The following CTNND2 variants were observed in gnomAD, a reference collection of about 807,000 sequenced individuals.
CTNND2 encodes catenin delta 2, also known as catenin delta-2.
A neutral mutation model predicts 144.4 loss-of-function variants in CTNND2; 22 were observed. The ratio of observed to expected loss-of-function variants is 0.15; its 90% CI spans 0.11 to 0.22. The LOEUF (loss-of-function observed/expected upper bound fraction) is 0.22. CTNND2 is among the 10% of genes least tolerant of loss of function. The pLI is 1.00. For missense variants in CTNND2, 1,353 were observed against 1,618.8 expected (o/e 0.84, Z 2.82); for synonymous variants, 751 against 695.6 (o/e 1.08, Z -1.25).
intron 9 of CTNND2, among the ~76,000 whole-genome samples, chr5:11,265,199 T>C (rs1347886885): frequency 6.6e-6 from 1 of 152,176 alleles, no homozygotes; most frequent in Non-Finnish European, 1.5e-5. Flanking sequence ...GTTAGAAGAT[T>C]CAGGAAATTA....
intron 9 of CTNND2, among the ~76,000 whole-genome samples, chr5:11,307,566 T>C (rs1750375887): frequency 6.6e-6 from 1 of 152,198 alleles, no homozygotes; most frequent in South Asian, 2.1e-4. Flanking sequence ...TGTATCATAT[T>C]ATCTCAGTAT....
chr5:11,250,455 TGCTC>T (rs1266626452), intron 9 of CTNND2, among the ~76,000 whole-genome samples: 6 of 72,936 alleles, frequency 8.2e-5, no homozygotes, highest in East Asian at 4.4e-4. Context: ...ATTTAAAGGG[TGCTC>T]TCTCTCTCTC....
intron 1 of CTNND2, among the ~76,000 whole-genome samples, chr5:11,761,913 C>T (rs1198426877): frequency 6.6e-6 from 1 of 151,936 alleles, no homozygotes; most frequent in Non-Finnish European, 1.5e-5. Flanking sequence ...CTAGATTCTA[C>T]CATAATTAGA....
At chr5:11,027,252 T>C (rs956397493) in intron 16 of CTNND2, 2 of 152,228 alleles carry the variant, frequency 1.3e-5, no homozygotes. Flanking sequence ...AGAGAAAGAT[T>C]AGCATGGCCC....
At chr5:11,218,651 G>A (rs1196357902) in intron 10 of CTNND2, among the ~76,000 whole-genome samples, 4 of 152,128 alleles carry the variant, frequency 2.6e-5, no homozygotes, top group African/African-American at 7.2e-5. Flanking sequence ...CTTGAACTAC[G>A]TTGAATACTG....
chr5:11,070,006 A>C (rs2149609895), intron 16 of CTNND2, among the ~76,000 whole-genome samples: 1 of 152,338 alleles, frequency 6.6e-6, no homozygotes, highest in East Asian at 1.9e-4. Context: ...TTTAGGAGGA[A>C]AGAATTACCA....
At chr5:11,889,189 C>A (rs1338013973) in intron 1 of CTNND2, among the ~76,000 whole-genome samples, 1 of 152,154 alleles carries the variant, frequency 6.6e-6, no homozygotes, top group Non-Finnish European at 1.5e-5. Context: ...AGAATGTCAA[C>A]CATGCAGCTG....
At chr5:11,868,029 G>A (rs1438809960) in intron 1 of CTNND2, among the ~76,000 whole-genome samples, 1 of 151,722 alleles carries the variant, frequency 6.6e-6, no homozygotes, top group African/African-American at 2.4e-5. Context: ...GCGAAGCAGG[G>A]GCAGGATAGA....
At chr5:11,419,927 AAAT>A (rs1762233720) in intron 3 of CTNND2, among the ~76,000 whole-genome samples, 2 of 152,286 alleles carry the variant, frequency 1.3e-5, no homozygotes, top group Non-Finnish European at 2.9e-5. Context: ...TTTCAAAATG[AAAT>A]AAAGGTACAG....
At chr5:10,991,337 T>C (rs946377897) in intron 19 of CTNND2, among the ~76,000 whole-genome samples, 3 of 152,126 alleles carry the variant, frequency 2.0e-5, no homozygotes, top group Non-Finnish European at 4.4e-5. Flanking sequence ...TTTCAGAGAA[T>C]AGGATTTCCT....
At chr5:11,874,238 A>G (rs2127057305) in intron 1 of CTNND2, among the ~76,000 whole-genome samples, 1 of 152,322 alleles carries the variant, frequency 6.6e-6, no homozygotes, top group African/African-American at 2.4e-5. Flanking sequence ...CTGCACTGCA[A>G]AAAACCACAG....
chr5:11,444,028 A>T (rs1327376581), intron 3 of CTNND2, among the ~76,000 whole-genome samples: 1 of 152,212 alleles, frequency 6.6e-6, no homozygotes, highest in Non-Finnish European at 1.5e-5. Context: ...AGCAGTGCAG[A>T]ATGTTGGCTT....
chr5:11,073,045 T>C (rs1053803166), intron 16 of CTNND2, among the ~76,000 whole-genome samples: 1 of 152,232 alleles, frequency 6.6e-6, no homozygotes, highest in Admixed American at 6.5e-5. Flanking sequence ...TGAGATCCAG[T>C]ATAATAAATA....
chr5:11,341,256 G>A (rs1218227454), intron 9 of CTNND2, among the ~76,000 whole-genome samples: 1 of 152,208 alleles, frequency 6.6e-6, no homozygotes, highest in African/African-American at 2.4e-5. Flanking sequence ...AACAAGATCA[G>A]TGAAGGAACT....
At chr5:11,365,674 G>A (rs890035660) in intron 7 of CTNND2, among the ~76,000 whole-genome samples, 5 of 152,184 alleles carry the variant, frequency 3.3e-5, no homozygotes, top group Non-Finnish European at 7.4e-5. Flanking sequence ...AGAGAATCAC[G>A]AGAAAGTCTC....
At chr5:11,411,980 C>T in intron 4 of CTNND2, 55 bp downstream of exon 4, 2 of 1,394,944 alleles carry the variant, frequency 1.4e-6, no homozygotes, top group Non-Finnish European at 2.0e-6. Flanking sequence ...TAAGAAAAGT[C>T]ATCAGTAGAG....
intron 2 of CTNND2, chr5:11,588,859 C>T (rs1779044416): frequency 7.1e-6 from 7 of 985,368 alleles, no homozygotes; most frequent in Non-Finnish European, 6.0e-6. Flanking sequence ...GTGGAGCAGG[C>T]GGTTCCTGGC....
chr5:11,191,970 C>T (rs1736292210), intron 11 of CTNND2, among the ~76,000 whole-genome samples: 1 of 152,178 alleles, frequency 6.6e-6, no homozygotes, highest in African/African-American at 2.4e-5. Flanking sequence ...GCAAAGCCTT[C>T]CACAGGCGTT....
At chr5:11,524,743 T>G (rs1264368362) in intron 3 of CTNND2, among the ~76,000 whole-genome samples, 1 of 152,204 alleles carries the variant, frequency 6.6e-6, no homozygotes, top group Admixed American at 6.5e-5. Flanking sequence ...TTAATGCAGT[T>G]CCAACGTTTA....
Sources: gnomAD v4.1 joint callset for allele counts (sites outside exome capture counted in the v4.1 genomes callset) on GRCh38, gnomAD v4.1.1 for gene constraint, MANE v1.5 for transcripts, NCBI Gene and HGNC (gene_info 2026-07-23, HGNC 2026-07-21) for gene names.